The following PCDHA7 variants were observed in gnomAD, a reference collection of about 807,000 sequenced individuals.
The protein encoded by PCDHA7 is protocadherin alpha-7.
In PCDHA7, 37 loss-of-function variants were observed where a neutral mutation model predicts 57.2. The ratio of observed to expected loss-of-function variants is 0.65; its 90% confidence interval spans 0.50 to 0.85. The LOEUF is 0.85. Among genes scored for constraint, PCDHA7 ranks in the 40% least tolerant of loss-of-function variants. The pLI is 0.00. For synonymous variants in PCDHA7, 553 were observed against 558.8 expected, an observed-to-expected ratio of 0.99 and a Z score of 0.15; for missense variants, 1,188 against 1,241.8, an observed-to-expected ratio of 0.96 and a Z score of 0.65.
At chr5:140,928,293 G>A (rs782241081) in intron 1 of PCDHA7, 1 of 1,614,150 alleles carries the variant, frequency 6.2e-7, no homozygotes, top group South Asian at 1.1e-5. Flanking sequence ...TAGGCCGAGT[G>A]TTTGCCCAGG....
chr5:140,853,680 C>T (rs142269623), intron 1 of PCDHA7: 5 of 988,078 alleles, frequency 5.1e-6, no homozygotes, highest in Non-Finnish European at 6.1e-6. Flanking sequence ...TATGGTCAAC[C>T]TATCCTTAGA....
chr5:140,834,288 A>G lies in PCDHA7; in HGVS notation c.-96A>G. 4 of 1,183,556 alleles carry G rather than the reference A, an allele frequency of 3.4e-6. No homozygotes were observed. Among genetic ancestry groups the G allele is most frequent in the Non-Finnish European group, 3.6e-6 (3 of 831,076 alleles). 73.3% of individuals were successfully genotyped at this position (1,183,556 alleles called of 1,614,324 possible). A position where few individuals can be genotyped will look rare whatever the true frequency, so the allele number is the denominator to read the frequency against. The stretch of plus-strand genomic sequence containing the variant: ...TCTTTCACTCTTTGGATGCACAACA[A>G]TGGCCACACATCGAGATTGAAATGA... On this transcript the variant is annotated 5_prime_UTR_variant, in exon 1 of 4. It removes an upstream start codon present in the reference 5' UTR. Coordinates refer to ENST00000525929, the MANE Select transcript of PCDHA7 (RefSeq NM_018910.3).
Position 140,855,923 on chromosome 5 carries a change from A to T in PCDHA7, c.2355+19185A>T, listed in dbSNP as rs1424860955. On this transcript the variant is annotated intron_variant, in intron 1 of 3. Coordinates refer to ENST00000525929, the MANE Select transcript of PCDHA7 (RefSeq NM_018910.3). Reference sequence around the variant, plus strand: ...GCCAGTTTCTCAAGGACTAGGAAGTAGCGTCATTCTGAGATCTCAGCCATT... The same window carrying T: ...GCCAGTTTCTCAAGGACTAGGAAGTTGCGTCATTCTGAGATCTCAGCCATT... 7.3e-6 allele frequency: 9 copies of T among 1,229,146 alleles called. No individual in the cohort carries two copies. In the South Asian group the frequency reaches 1.4e-4, roughly 19 times the overall value. 76.1% of individuals were successfully genotyped at this position (1,229,146 alleles called of 1,614,324 possible).
chr5:141,001,999 A>G (rs1554258445), intron 3 of PCDHA7, among the ~76,000 whole-genome samples: 1 of 152,198 alleles, frequency 6.6e-6, no homozygotes, highest in African/African-American at 2.4e-5. Flanking sequence ...TTCACTTGCA[A>G]ACACAGAATC....
intron 1 of PCDHA7, chr5:140,842,737 C>A: frequency 6.3e-7 from 1 of 1,595,052 alleles, no homozygotes; most frequent in Non-Finnish European, 8.6e-7. Flanking sequence ...CGCCGGGCTG[C>A]CACATCTTCA....
chr5:140,967,049 A>G (rs782123539), intron 1 of PCDHA7: 12 of 1,612,528 alleles, frequency 7.4e-6, no homozygotes, highest in Non-Finnish European at 9.3e-6. Flanking sequence ...GCTGGACCTG[A>G]CGAGTGGAGC....
At chr5:140,858,143 A>G in intron 1 of PCDHA7, 2 of 1,597,218 alleles carry the variant, frequency 1.3e-6, no homozygotes, top group Non-Finnish European at 1.7e-6. Flanking sequence ...CGTGTACCTG[A>G]TCATCGCCAT....
rs183230708 is a variant in PCDHA7, at chr5:140,914,004, A to G, written c.2356-64945A>G. Among the ~76,000 whole-genome samples, 112 of 152,288 alleles carry G rather than the reference A, an allele frequency of 7.4e-4. 1 individual carries two copies. Among genetic ancestry groups the G allele is most frequent in the Middle Eastern group, 6.8e-3 (2 of 294 alleles). On this transcript the variant is annotated intron_variant, in intron 1 of 3. Coordinates refer to ENST00000525929, the MANE Select transcript of PCDHA7 (RefSeq NM_018910.3). ...TTGTATTGTGACTAGCATATGGTCT[A>G]TCTTTGAGAATGATCCACGTGCTGA...
At chr5:140,898,624 A>G (rs1374108541) in intron 1 of PCDHA7, among the ~76,000 whole-genome samples, 13 of 152,248 alleles carry the variant, frequency 8.5e-5, no homozygotes, top group African/African-American at 2.6e-4. Flanking sequence ...CAGGTAGCAT[A>G]ATGCCTCCAG....
chr5:140,904,877 AC>A (rs2071441380), intron 1 of PCDHA7, among the ~76,000 whole-genome samples: 1 of 151,792 alleles, frequency 6.6e-6, no homozygotes, highest in African/African-American at 2.4e-5. Context: ...TCCTTAGCTC[AC>A]TTTTTGATGG....
At chr5:140,992,862 G>A (rs2097531583) in intron 3 of PCDHA7, among the ~76,000 whole-genome samples, 2 of 152,084 alleles carry the variant, frequency 1.3e-5, no homozygotes, top group Non-Finnish European at 2.9e-5. Context: ...TTTCACTCTA[G>A]CTCCCTCCTT....
Position 140,966,357 on chromosome 5 carries a change from T to A in PCDHA7, c.2356-12592T>A, listed in dbSNP as rs3756326. ...AGGTCCAGGGTGAAGGAGATGGGGCTGGAGAGGCTGAGCAGTCCGGGTTCG... is the reference window on the plus strand; with the variant it reads ...AGGTCCAGGGTGAAGGAGATGGGGCAGGAGAGGCTGAGCAGTCCGGGTTCG... On this transcript the variant is annotated intron_variant, in intron 1 of 3. Coordinates refer to ENST00000525929, the MANE Select transcript of PCDHA7 (RefSeq NM_018910.3). The A allele has an allele frequency of 3.3e-4, 131 of 400,654 alleles. 3 individuals are homozygous for A. Among genetic ancestry groups the A allele is most frequent in the East Asian group, 2.0e-3 (56 of 27,900 alleles). The allele number at this position is 400,654 out of a possible 1,614,324, so 24.8% of individuals were successfully genotyped here.
intron 1 of PCDHA7, among the ~76,000 whole-genome samples, chr5:140,906,235 C>G (rs1319955366): frequency 1.3e-5 from 2 of 152,174 alleles, no homozygotes; most frequent in African/African-American, 4.8e-5. Flanking sequence ...CTCCCCTTGT[C>G]AACTTGAACC....
At chr5:140,854,512 G>A (rs1265756710) in intron 1 of PCDHA7, 2 of 149,810 alleles carry the variant, frequency 1.3e-5, no homozygotes, top group Admixed American at 6.7e-5. Context: ...TAAACTGATG[G>A]ATTAAGTGAC....
At chr5:140,841,587 G>C in intron 1 of PCDHA7, 1 of 1,614,074 alleles carries the variant, frequency 6.2e-7, no homozygotes, top group Non-Finnish European at 8.5e-7. Context: ...GTGAATTCTC[G>C]GATCGACCGC....
intron 3 of PCDHA7, among the ~76,000 whole-genome samples, chr5:141,001,477 A>T (rs2098020508): frequency 6.6e-6 from 1 of 152,176 alleles, no homozygotes; most frequent in South Asian, 2.1e-4. Flanking sequence ...AGCAGCGGGG[A>T]AGTGCTGGAA....
chr5:140,926,441 A>G (rs1476576189), intron 1 of PCDHA7: 1 of 154,800 alleles, frequency 6.5e-6, no homozygotes, highest in African/African-American at 2.4e-5. Context: ...AGATCTGGGC[A>G]GCCTCAGGGC....
chr5:140,850,566 G>GTGAC (rs1554144512), intron 1 of PCDHA7: 1 of 1,598,448 alleles, frequency 6.3e-7, no homozygotes, highest in Admixed American at 1.7e-5. Flanking sequence ...GGGCCCCGAG[G>GTGAC]TGACGCTGGT....
chr5:140,883,486 A>G (rs2059636103), intron 1 of PCDHA7: 1 of 1,614,016 alleles, frequency 6.2e-7, no homozygotes, highest in Non-Finnish European at 8.5e-7. Context: ...ACTACTACTC[A>G]TTAGTGCTGG....
Sources: gnomAD v4.1 joint callset for allele counts (sites outside exome capture counted in the v4.1 genomes callset) on GRCh38, gnomAD v4.1.1 for gene constraint, MANE v1.5 for transcripts, NCBI Gene and HGNC (gene_info 2026-07-23, HGNC 2026-07-21) for gene names.